The following CELF4 variants were observed in gnomAD, a reference collection of about 807,000 sequenced individuals.
CELF4 encodes CUG-BP- and ETR-3-like factor 4.
A neutral mutation model predicts 59.9 loss-of-function variants in CELF4; 18 were observed. That is an observed-to-expected ratio of 0.30 (90% CI 0.21 to 0.45). The LOEUF is 0.45. CELF4 is among the 20% of genes least tolerant of loss of function. CELF4 has a pLI of 1.00. For missense variants in CELF4, 456 were observed against 689.0 expected, an observed-to-expected ratio of 0.66 and a Z score of 3.79; for synonymous variants, 261 against 267.1, an observed-to-expected ratio of 0.98 and a Z score of 0.22.
In CELF4 at chr18:37,253,978, G is replaced by C; in HGVS notation, c.1334-40C>G. 1 of 1,554,256 alleles carries C rather than the reference G, an allele frequency of 6.4e-7. No homozygotes were observed. The highest frequency in any genetic ancestry group is 2.5e-5 in the East Asian group (1 of 40,084). On this transcript the variant is annotated intron_variant, in intron 11 of 12. Transcript: ENST00000420428. This position sits in a 1 kb window ranked among gnomAD's most constrained non-coding sequence, Gnocchi z 4.5. ...GGGACGAGGGCCTGGGTTTCCACGG[G>C]GCCGCCCGGGGCGCTGCCGGCGGGG...
chr18:37,281,278 C>T (rs1302610947), intron 3 of CELF4, among the ~76,000 whole-genome samples: 1 of 152,226 alleles, frequency 6.6e-6, no homozygotes, highest in African/African-American at 2.4e-5. Flanking sequence ...CCACTTGACT[C>T]GCCAAATGCC....
At chr18:37,248,615 G>A (rs902157438) in intron 12 of CELF4, among the ~76,000 whole-genome samples, 1 of 152,018 alleles carries the variant, frequency 6.6e-6, no homozygotes, top group Non-Finnish European at 1.5e-5. Context: ...TTCCAGCCTG[G>A]CCCACCGCAA....
At chr18:37,442,621 C>T (rs373717881) in intron 2 of CELF4, among the ~76,000 whole-genome samples, 27 of 152,104 alleles carry the variant, frequency 1.8e-4, no homozygotes, top group African/African-American at 4.3e-4. Flanking sequence ...TGGCGACTCC[C>T]GGGAAGGTTG....
intron 2 of CELF4, among the ~76,000 whole-genome samples, chr18:37,337,424 G>A (rs1441136596): frequency 6.6e-6 from 1 of 152,158 alleles, no homozygotes; most frequent in African/African-American, 2.4e-5. Context: ...TCTCTAGCTA[G>A]GACCCTCCTT....
intron 2 of CELF4, among the ~76,000 whole-genome samples, chr18:37,432,411 G>C (rs1167238394): frequency 5.9e-5 from 9 of 152,220 alleles, no homozygotes; most frequent in Non-Finnish European, 1.5e-5. Context: ...TATTTGAAAA[G>C]ACCAAATTAG....
intron 1 of CELF4, among the ~76,000 whole-genome samples, chr18:37,508,940 C>A (rs376991571): frequency 2.6e-5 from 4 of 152,166 alleles, no homozygotes; most frequent in Non-Finnish European, 4.4e-5. Context: ...TGTCACCTCT[C>A]TTCTGCCTCA....
chr18:37,354,247 G>T (rs2098522666), intron 2 of CELF4, among the ~76,000 whole-genome samples: 1 of 152,154 alleles, frequency 6.6e-6, no homozygotes, highest in African/African-American at 2.4e-5. Flanking sequence ...CCATTTTACA[G>T]ATGGCCAAAC....
chr18:37,392,170 C>T (rs918237452), intron 2 of CELF4, among the ~76,000 whole-genome samples: 2 of 152,160 alleles, frequency 1.3e-5, no homozygotes, highest in Non-Finnish European at 2.9e-5. Flanking sequence ...AGGTTTTCCC[C>T]CAAGAACAAG....
At chr18:37,564,945 C>T (rs1324995653) in intron 1 of CELF4, among the ~76,000 whole-genome samples, 3 of 152,150 alleles carry the variant, frequency 2.0e-5, no homozygotes, top group Non-Finnish European at 2.9e-5. Flanking sequence ...TTCAGCACCA[C>T]GGCGATGGAC....
At chr18:37,508,186 T>G (rs1335460692) in intron 1 of CELF4, among the ~76,000 whole-genome samples, 1 of 152,202 alleles carries the variant, frequency 6.6e-6, no homozygotes, top group Non-Finnish European at 1.5e-5. Context: ...TGAGACAGGC[T>G]GGGCTTGATC....
chr18:37,456,441 T>C (rs2099778545), intron 2 of CELF4, among the ~76,000 whole-genome samples: 2 of 152,128 alleles, frequency 1.3e-5, no homozygotes, highest in South Asian at 4.2e-4. Flanking sequence ...AGGACCTGGG[T>C]TAACAACCTG....
intron 3 of CELF4, among the ~76,000 whole-genome samples, chr18:37,316,081 A>G (rs907509939): frequency 1.3e-5 from 2 of 151,752 alleles, no homozygotes; most frequent in African/African-American, 4.8e-5. Flanking sequence ...ACCCATGGAG[A>G]CTCCATTTAG....
chr18:37,530,518 T>A (rs1488946714), intron 1 of CELF4, among the ~76,000 whole-genome samples: 2 of 152,076 alleles, frequency 1.3e-5, no homozygotes, highest in Admixed American at 1.3e-4. Flanking sequence ...TGGGTTATAA[T>A]CATCATTGTA....
rs2092070098 is a variant in CELF4, at chr18:37,273,047, G to A, written c.918C>T (p.Gly306=). The change falls in exon 7 of 13, where the codon GGC becomes GGT. Residue 306 remains glycine (G), a synonymous_variant. Transcript: ENST00000420428. Reference sequence around the variant, plus strand: ...TTGGGGTCATAGGTGCGGCCGCCAGGCCATTCATGTTGAGGGCCGCCATCT... The same window carrying A: ...TTGGGGTCATAGGTGCGGCCGCCAGACCATTCATGTTGAGGGCCGCCATCT... The part of the protein sequence containing the change: ...MQQMAALNMN[G]LAAAPMTPTS... The A allele has an allele frequency of 3.7e-6, 6 of 1,612,254 alleles. No individual in the cohort carries two copies. In the Admixed American group the frequency reaches 6.7e-5, roughly 18 times the overall value.
At chr18:37,352,029 T>C (rs2154554510) in intron 2 of CELF4, among the ~76,000 whole-genome samples, 1 of 152,310 alleles carries the variant, frequency 6.6e-6, no homozygotes, top group East Asian at 1.9e-4. Flanking sequence ...TCTGAGTACA[T>C]GGGTCTCTAA....
At chr18:37,304,401 G>A (rs2096266318) in intron 3 of CELF4, among the ~76,000 whole-genome samples, 2 of 152,176 alleles carry the variant, frequency 1.3e-5, no homozygotes, top group African/African-American at 4.8e-5. Flanking sequence ...AGACACTGCA[G>A]AGGGCAGTGA....
chr18:37,460,171 G>T (rs556942799), intron 2 of CELF4, among the ~76,000 whole-genome samples: 7 of 152,290 alleles, frequency 4.6e-5, no homozygotes, highest in African/African-American at 1.4e-4. Context: ...GTGGGTCTGT[G>T]TAGAGATCTT....
intron 1 of CELF4, among the ~76,000 whole-genome samples, chr18:37,512,144 G>A (rs1481209512): frequency 6.6e-6 from 1 of 152,182 alleles, no homozygotes; most frequent in Non-Finnish European, 1.5e-5. Context: ...GGGGGGCAGG[G>A]GGCGAGAGTG....
intron 2 of CELF4, among the ~76,000 whole-genome samples, chr18:37,441,958 C>T (rs1791486): frequency 0.023 from 2,927 of 128,326 alleles, 88 homozygotes; most frequent in African/African-American, 0.082. Context: ...TGACACCGTG[C>T]GTCACCCAAA....
Sources: allele counts gnomAD v4.1 joint callset (sites outside exome capture counted in the v4.1 genomes callset), GRCh38; gene constraint gnomAD v4.1.1; non-coding constraint Gnocchi (gnomAD v3.1); transcripts MANE v1.5; gene names NCBI Gene and HGNC (gene_info 2026-07-23, HGNC 2026-07-21).